PTCHD1: variants seen among roughly 807,000 people sequenced by gnomAD.
The protein encoded by PTCHD1 is patched domain containing 1, also known as patched domain-containing protein 1.
Under a neutral mutation model 34.6 loss-of-function variants are expected in PTCHD1, and 3 were observed. The observed-to-expected ratio is 0.09, with a 90% CI of 0.04 to 0.22. The LOEUF (loss-of-function observed/expected upper bound fraction) is 0.22, where lower values mean the gene tolerates loss of function less well. Among genes scored for constraint, PTCHD1 ranks in the 10% least tolerant of loss-of-function variants. The pLI, the probability that PTCHD1 is intolerant of heterozygous loss-of-function variation, is 1.00. For synonymous variants in PTCHD1, 305 were observed against 283.1 expected (o/e 1.08, Z -0.77); for missense variants, 504 against 685.5 (o/e 0.74, Z 2.96).
In PTCHD1 at chrX:23,335,246, G is replaced by A. The variant is rs1021751965; in HGVS notation, c.351+20G>A. 31 of 1,163,895 alleles carry A rather than the reference G, an allele frequency of 2.7e-5. No homozygotes were observed. The highest frequency in any genetic ancestry group is 3.6e-5 in the Non-Finnish European group (31 of 852,852). ...TTAAAGGTGAGAGGGGACGGGTGCG[G>A]GCAGACTCCGCCAGCGCCGCGGCCG... is the stretch of plus-strand genomic sequence containing the variant. On this transcript the variant is annotated intron_variant, in intron 1 of 2. Transcript: ENST00000379361.
intron 1 of PTCHD1, among the ~76,000 whole-genome samples, chrX:23,366,167 C>T (rs1419190957): frequency 2.7e-5 from 3 of 112,119 alleles, no homozygotes; most frequent in East Asian, 2.8e-4. Flanking sequence ...ATGACCCCCA[C>T]GGTTCAGACC....
At chrX:23,354,310 G>T (rs56822624) in intron 1 of PTCHD1, among the ~76,000 whole-genome samples, 7,620 of 108,681 alleles carry the variant, frequency 0.07, 701 homozygotes, top group African/African-American at 0.24. Context: ...GAGTTAACGT[G>T]TGTAAAGCCA....
intron 1 of PTCHD1, among the ~76,000 whole-genome samples, chrX:23,362,448 G>A (rs1304483964): frequency 1.8e-5 from 2 of 111,883 alleles, no homozygotes; most frequent in Non-Finnish European, 3.8e-5. Context: ...ATTGGCTATT[G>A]AAGCTTGGAC....
intron 1 of PTCHD1, among the ~76,000 whole-genome samples, chrX:23,358,973 T>C (rs1416539988): frequency 8.9e-6 from 1 of 112,205 alleles, no homozygotes; most frequent in East Asian, 2.8e-4. Context: ...CGTGGTGTTA[T>C]TTCTGAGGCA....
intron 1 of PTCHD1, among the ~76,000 whole-genome samples, chrX:23,378,777 G>T (rs967909573): frequency 1.1e-4 from 12 of 112,647 alleles, no homozygotes; most frequent in African/African-American, 3.2e-4. Context: ...CTGGCATGTA[G>T]TAGGGGCAGT....
In PTCHD1 at chrX:23,401,364, T is replaced by C. The variant is rs1242511062; in HGVS notation, c.*7179T>C. The stretch of plus-strand genomic sequence containing the variant: ...AACATGTTTAGCTCAGCCTTTCAGA[T>C]ATTTATTCTTTAAATTACCATCCTG... On this transcript the variant is annotated 3_prime_UTR_variant, in exon 3 of 3. Coordinates refer to ENST00000379361, the MANE Select transcript of PTCHD1 (RefSeq NM_173495.3). 1 of 112,254 alleles carries C rather than the reference T, an allele frequency of 8.9e-6. No individual in the cohort carries two copies. The highest frequency in any genetic ancestry group is 3.2e-5 in the African/African-American group (1 of 30,870). The allele number at this position is 112,254 out of a possible 1,213,427, so 9.3% of individuals were successfully genotyped here.
At position 23,385,743 on chromosome X, in the gene PTCHD1, G is replaced by C. The variant is rs767533243; in HGVS notation, c.1012+5492G>C. Among the ~76,000 whole-genome samples the C allele has an allele frequency of 7.2e-5, 8 of 110,510 alleles. No homozygotes were observed. The East Asian group carries it at 2.3e-3, about 31-fold the overall frequency. ...TGGAGCCCAACAGAGGGATTCTATA[G>C]CCCCTTCTCTACACTGATTGGTGTA... On this transcript the variant is annotated intron_variant, in intron 2 of 2. Coordinates refer to ENST00000379361, the MANE Select transcript of PTCHD1 (RefSeq NM_173495.3).
Position 23,381,971 on chromosome X carries a change from T to G in PTCHD1, c.1012+1720T>G, listed in dbSNP as rs145637547. 1.1e-3 allele frequency among the ~76,000 whole-genome samples: 125 copies of G among 112,003 alleles called. 1 individual carries two copies. In the East Asian group the frequency reaches 0.021, roughly 19 times the overall value. ...TTTTGCTCATGATTAGTCACAATCT[T>G]GAATGTTTTGGGGGTTACGGGAAGG... On this transcript the variant is annotated intron_variant, in intron 2 of 2. Transcript: ENST00000379361.
At chrX:23,351,046 G>T in intron 1 of PTCHD1, 2 of 382,852 alleles carry the variant, frequency 5.2e-6, no homozygotes, top group East Asian at 4.3e-5. Flanking sequence ...TGATTCAAAT[G>T]GGATGCCAGT....
Position 23,392,977 on chromosome X carries a change from C to A in PTCHD1, c.1459C>A (p.Leu487Ile). The A allele has an allele frequency of 8.3e-7, 1 of 1,211,636 alleles. No homozygotes were observed. The highest frequency in any genetic ancestry group is 1.1e-6 in the Non-Finnish European group (1 of 895,127). ...TYESHLLVCF[L>I]KRYYCDWITN... ...CGAGAGTCACCTATTGGTATGTTTC[C>A]TCAAACGCTATTACTGTGACTGGAT... is the stretch of plus-strand genomic sequence containing the variant. The change falls in exon 3 of 3, where the codon CTC becomes ATC. Residue 487 changes from leucine (L) to isoleucine (I), a missense_variant. Physicochemically the swap from Leu to Ile is conservative, Grantham distance 5. Coordinates refer to ENST00000379361, the MANE Select transcript of PTCHD1 (RefSeq NM_173495.3).
At chrX:23,336,216 G>A (rs1386375733) in intron 1 of PTCHD1, among the ~76,000 whole-genome samples, 2 of 112,213 alleles carry the variant, frequency 1.8e-5, no homozygotes, top group Non-Finnish European at 3.8e-5. Flanking sequence ...AGATGGAAAA[G>A]TGGAGACCTC....
rs1922986066 is a variant in PTCHD1 at position 23,396,219 on chromosome X, A to G, written c.*2034A>G. 1 of 112,395 alleles carries G rather than the reference A, an allele frequency of 8.9e-6. No individual in the cohort carries two copies. The highest frequency in any genetic ancestry group is 1.9e-5 in the Non-Finnish European group (1 of 53,261). 9.3% of individuals were successfully genotyped at this position (112,395 alleles called of 1,213,427 possible). On this transcript the variant is annotated 3_prime_UTR_variant, in exon 3 of 3. Coordinates refer to ENST00000379361, the MANE Select transcript of PTCHD1 (RefSeq NM_173495.3). Reference sequence around the variant, plus strand: ...ATACATGTGCAGGGGATTGTAGCTAATGCATTACACAGTCGTTCAGTCTTC... The same window carrying G: ...ATACATGTGCAGGGGATTGTAGCTAGTGCATTACACAGTCGTTCAGTCTTC...
chrX:23,395,112 T>G lies in PTCHD1; in HGVS notation c.*927T>G, dbSNP rs1231297340. 1 of 112,168 alleles carries G rather than the reference T, an allele frequency of 8.9e-6. No individual in the cohort carries two copies. The highest frequency in any genetic ancestry group is 3.7e-4 in the South Asian group (1 of 2,691). The allele number at this position is 112,168 out of a possible 1,213,427, so 9.2% of individuals were successfully genotyped here. ...GCAGGTGTCTACTTGGACCCAGATA[T>G]AGTGTCTCCATTTTAACAACAACAA... On this transcript the variant is annotated 3_prime_UTR_variant, in exon 3 of 3. Coordinates refer to ENST00000379361, the MANE Select transcript of PTCHD1 (RefSeq NM_173495.3).
chrX:23,402,641 T>G lies in PTCHD1; in HGVS notation c.*8456T>G, dbSNP rs1449033279. The G allele has an allele frequency of 8.9e-6, 1 of 112,094 alleles. No homozygotes were observed. The highest frequency in any genetic ancestry group is 1.9e-5 in the Non-Finnish European group (1 of 53,239). The allele number at this position is 112,094 out of a possible 1,213,427, so 9.2% of individuals were successfully genotyped here. A position where few individuals can be genotyped will look rare whatever the true frequency, so the allele number is the denominator to read the frequency against. Reference sequence around the variant, plus strand: ...CAAGTTCTCTTCCTATTGTTTATGATCCCATAATACAACCACCCACTATTT... The same window carrying G: ...CAAGTTCTCTTCCTATTGTTTATGAGCCCATAATACAACCACCCACTATTT... On this transcript the variant is annotated 3_prime_UTR_variant, in exon 3 of 3. Coordinates refer to ENST00000379361, the MANE Select transcript of PTCHD1 (RefSeq NM_173495.3).
At chrX:23,344,860 G>T (rs756295593) in intron 1 of PTCHD1, among the ~76,000 whole-genome samples, 7 of 111,778 alleles carry the variant, frequency 6.3e-5, no homozygotes, top group African/African-American at 2.3e-4. Flanking sequence ...AGCACAGCAT[G>T]CCAAAGAGGG....
intron 1 of PTCHD1, among the ~76,000 whole-genome samples, chrX:23,368,679 C>T (rs1198496627): frequency 8.9e-6 from 1 of 111,999 alleles, no homozygotes; most frequent in East Asian, 2.8e-4. Flanking sequence ...ATCCACACAC[C>T]GCAAGCCCCT....
intron 1 of PTCHD1, among the ~76,000 whole-genome samples, chrX:23,364,151 A>G (rs1922067474): frequency 9.0e-6 from 1 of 111,273 alleles, no homozygotes; most frequent in African/African-American, 3.3e-5. Flanking sequence ...AGAATAAGCA[A>G]GACTAGCTGA....
intron 1 of PTCHD1, among the ~76,000 whole-genome samples, chrX:23,357,714 G>A (rs754191045): frequency 9.0e-6 from 1 of 111,206 alleles, no homozygotes; most frequent in South Asian, 3.8e-4. Flanking sequence ...CAACGTGCAG[G>A]CTAGTTACAT....
chrX:23,389,812 G>T (rs1922784286), intron 2 of PTCHD1, among the ~76,000 whole-genome samples: 1 of 111,555 alleles, frequency 9.0e-6, no homozygotes, highest in Non-Finnish European at 1.9e-5. Flanking sequence ...AAGAACATAT[G>T]CAAAAAGAGC....
Sources: allele counts gnomAD v4.1 joint callset (sites outside exome capture counted in the v4.1 genomes callset), GRCh38; gene constraint gnomAD v4.1.1; transcripts MANE v1.5; gene names NCBI Gene and HGNC (gene_info 2026-07-23, HGNC 2026-07-21).